Variants in ATL2 observed in about 807,000 individuals in gnomAD.
ATL2 encodes atlastin-2.
Under a neutral mutation model 73.9 loss-of-function variants are expected in ATL2, and 31 were observed. The observed-to-expected ratio is 0.42, with a 90% CI of 0.32 to 0.57. The LOEUF (loss-of-function observed/expected upper bound fraction) is 0.57, where lower values mean the gene tolerates loss of function less well. Ranked by LOEUF, ATL2 falls within the 20% of genes least tolerant of loss-of-function variation. The pLI is 0.14. For missense variants in ATL2, 738 were observed against 702.6 expected (o/e 1.05, Z -0.57); for synonymous variants, 291 against 237.5 (o/e 1.23, Z -2.07).
At chr2:38,297,707 T>G (rs1026723182) in intron 12 of ATL2, among the ~76,000 whole-genome samples, 1 of 152,216 alleles carries the variant, frequency 6.6e-6, no homozygotes, top group African/African-American at 2.4e-5. Flanking sequence ...TGGAAGGCAA[T>G]GAAGACCTGT....
At chr2:38,355,606 CA>C (rs1212625981) in intron 1 of ATL2, among the ~76,000 whole-genome samples, 1 of 151,782 alleles carries the variant, frequency 6.6e-6, no homozygotes, top group African/African-American at 2.4e-5. Flanking sequence ...ATCAGAAAGA[CA>C]TAACAATGCC....
chr2:38,365,075 A>T (rs1029943531), intron 1 of ATL2, among the ~76,000 whole-genome samples: 1 of 151,014 alleles, frequency 6.6e-6, no homozygotes, highest in African/African-American at 2.4e-5. Context: ...TAAGAGTTGT[A>T]AAGTATCAAG....
rs761916619 is a variant in ATL2 at position 38,320,660 on chromosome 2, T to C, written c.364-1641A>G. Among the ~76,000 whole-genome samples the C allele has an allele frequency of 9.3e-4, 142 of 152,190 alleles. 1 individual carries two copies. Among genetic ancestry groups the C allele is most frequent in the Admixed American group, 1.3e-4 (2 of 15,264 alleles). ...AAGTTTAGTATACTTAAAGCCCACA[T>C]AGCCTTTACTCAATGTACCCCACAG... On this transcript the variant is annotated intron_variant, in intron 2 of 12. Transcript: ENST00000378954.
chr2:38,321,465 C>G (rs1386320985), intron 2 of ATL2, among the ~76,000 whole-genome samples: 1 of 152,120 alleles, frequency 6.6e-6, no homozygotes, highest in African/African-American at 2.4e-5. Flanking sequence ...TCACAGGAAT[C>G]AGAAGATTAT....
At chr2:38,357,023 G>A (rs2124454997) in intron 1 of ATL2, among the ~76,000 whole-genome samples, 1 of 152,206 alleles carries the variant, frequency 6.6e-6, no homozygotes, top group African/African-American at 2.4e-5. Flanking sequence ...TTTAATGCTG[G>A]AAATCTAATT....
Position 38,370,772 on chromosome 2 carries a change from A to AAACAG in ATL2, c.118+6370_118+6371insCTGTT, listed in dbSNP as rs570756038. Among the ~76,000 whole-genome samples the AAACAG allele has an allele frequency of 2.6e-3, 395 of 151,828 alleles. 4 individuals are homozygous for AAACAG. Among genetic ancestry groups the AAACAG allele is most frequent in the African/African-American group, 9.0e-3 (372 of 41,366 alleles). On this transcript the variant is annotated intron_variant, in intron 1 of 12. Transcript: ENST00000378954. ...CAGAGCAAGACTCGATCTCAAAACG[A>AAACAG]AACAAAACAAAACAAAACAAAAAAA... is the stretch of plus-strand genomic sequence containing the variant.
chr2:38,335,788 T>G lies in ATL2; in HGVS notation c.363+7480A>C, dbSNP rs182826505. On this transcript the variant is annotated intron_variant, in intron 2 of 12. Transcript: ENST00000378954. ...CGGGCGCGGTGGCTCACGCCTGTAATCCCAGCACTTTGGGAGGCTGACACA... is the reference window on the plus strand; with the variant it reads ...CGGGCGCGGTGGCTCACGCCTGTAAGCCCAGCACTTTGGGAGGCTGACACA... 3.1e-3 allele frequency among the ~76,000 whole-genome samples: 465 copies of G among 152,298 alleles called. 2 individuals carry two copies. The highest frequency in any genetic ancestry group is 5.1e-3 in the Non-Finnish European group (349 of 68,024).
At chr2:38,334,869 TAA>T (rs1300468978) in intron 2 of ATL2, among the ~76,000 whole-genome samples, 2 of 137,662 alleles carry the variant, frequency 1.5e-5, no homozygotes, top group African/African-American at 5.3e-5. Context: ...ATATATTATA[TAA>T]TATATATTAT....
At chr2:38,304,480 A>G (rs1667346055) in intron 9 of ATL2, among the ~76,000 whole-genome samples, 1 of 152,240 alleles carries the variant, frequency 6.6e-6, no homozygotes, top group South Asian at 2.1e-4. Flanking sequence ...AATAGTAAAC[A>G]CACAGAAAAA....
intron 1 of ATL2, among the ~76,000 whole-genome samples, chr2:38,349,277 C>A (rs1201701833): frequency 1.3e-5 from 2 of 151,966 alleles, no homozygotes; most frequent in South Asian, 2.1e-4. Context: ...CCAACCCAAA[C>A]GTCCATCAAT....
At chr2:38,332,094 T>C (rs1009216862) in intron 2 of ATL2, among the ~76,000 whole-genome samples, 2 of 152,286 alleles carry the variant, frequency 1.3e-5, no homozygotes, top group Admixed American at 1.3e-4. Flanking sequence ...TCAACTTACA[T>C]GAATGTCCAC....
At chr2:38,374,469 C>T (rs1264123897) in intron 1 of ATL2, among the ~76,000 whole-genome samples, 2 of 152,224 alleles carry the variant, frequency 1.3e-5, no homozygotes, top group African/African-American at 4.8e-5. Context: ...AAAGCTGCTT[C>T]CCTGCACCTA....
At chr2:38,325,906 T>TCAAAAA (rs1271281498) in intron 2 of ATL2, among the ~76,000 whole-genome samples, 1 of 52,028 alleles carries the variant, frequency 1.9e-5, no homozygotes, top group African/African-American at 5.7e-5. Context: ...TTTGTTTGTT[T>TCAAAAA]AAAAAAAAAA....
chr2:38,360,395 C>A (rs1670945151), intron 1 of ATL2, among the ~76,000 whole-genome samples: 1 of 151,958 alleles, frequency 6.6e-6, no homozygotes, highest in South Asian at 2.1e-4. Context: ...AAGACATCCT[C>A]CCATCTCAGC....
At chr2:38,361,940 T>C (rs1011967513) in intron 1 of ATL2, among the ~76,000 whole-genome samples, 13 of 152,218 alleles carry the variant, frequency 8.5e-5, no homozygotes, top group African/African-American at 3.1e-4. Flanking sequence ...TTTCTATCTT[T>C]TAAACCCATG....
At chr2:38,300,238 T>C (rs371129440) in intron 10 of ATL2, 34 bp downstream of exon 10, 27 of 1,508,820 alleles carry the variant, frequency 1.8e-5, no homozygotes, top group South Asian at 1.4e-4. Context: ...TAAATAAGTA[T>C]ATGTACAACA....
intron 1 of ATL2, among the ~76,000 whole-genome samples, chr2:38,356,967 A>T (rs1175868046): frequency 1.3e-5 from 2 of 152,178 alleles, no homozygotes; most frequent in African/African-American, 2.4e-5. Context: ...AATTCAAAAA[A>T]CTTTGTGTTT....
intron 1 of ATL2, among the ~76,000 whole-genome samples, chr2:38,345,008 A>C (rs925654980): frequency 6.6e-6 from 1 of 152,214 alleles, no homozygotes; most frequent in Non-Finnish European, 1.5e-5. Context: ...ATAAACTTCC[A>C]AAGTCTAGGT....
intron 1 of ATL2, among the ~76,000 whole-genome samples, chr2:38,355,005 G>C (rs1279003506): frequency 6.6e-6 from 1 of 152,108 alleles, no homozygotes; most frequent in African/African-American, 2.4e-5. Context: ...TGAAAAACAC[G>C]CAAGATGGCA....
Sources: gnomAD v4.1 joint callset for allele counts (sites outside exome capture counted in the v4.1 genomes callset) on GRCh38, gnomAD v4.1.1 for gene constraint, MANE v1.5 for transcripts, NCBI Gene and HGNC (gene_info 2026-07-23, HGNC 2026-07-21) for gene names.